The following UNC13B variants were observed in gnomAD, a reference collection of about 807,000 sequenced individuals.
The protein encoded by UNC13B is protein unc-13 homolog B.
A neutral mutation model predicts 211.0 loss-of-function variants in UNC13B; 144 were observed. The ratio of observed to expected loss-of-function variants is 0.68; its 90% confidence interval spans 0.60 to 0.78. UNC13B has a LOEUF of 0.78. UNC13B is among the 30% of genes least tolerant of loss of function. The probability of loss-of-function intolerance (pLI) is 0.00; values close to 1 mark genes in which losing one functional copy is unlikely to be tolerated. For synonymous variants in UNC13B, 709 were observed against 725.8 expected (o/e 0.98, Z 0.37); for missense variants, 1,777 against 2,002.0 (o/e 0.89, Z 2.14).
chr9:35,295,639 A>G lies in UNC13B; in HGVS notation c.527-57A>G, dbSNP rs566509078. On this transcript the variant is annotated intron_variant, in intron 7 of 39. Transcript: ENST00000635942. ...TTACTACTAAGTTAGAAGCAGAAAT[A>G]ATTCTGAAGAACTAAATAAAGCTGG... The G allele has an allele frequency of 1.2e-5, 19 of 1,535,924 alleles. No individual in the cohort carries two copies. In the African/African-American group the frequency reaches 2.6e-4, roughly 21 times the overall value.
At chr9:35,251,345 G>T (rs558623820) in intron 6 of UNC13B, among the ~76,000 whole-genome samples, 3 of 152,200 alleles carry the variant, frequency 2.0e-5, no homozygotes, top group South Asian at 2.1e-4. Flanking sequence ...CAGCACTCTG[G>T]GGGGGCCGAG....
rs149243741 is a variant in UNC13B, at chr9:35,319,717, C to T, written c.9414+5728C>T. ...ACTCTGTCACCCAGGCTGGAGTGCACGGGCATGATCACAGCTCACTGCAAC... is the reference window on the plus strand; with the variant it reads ...ACTCTGTCACCCAGGCTGGAGTGCATGGGCATGATCACAGCTCACTGCAAC... On this transcript the variant is annotated intron_variant, in intron 11 of 39. Transcript: ENST00000635942. Among the ~76,000 whole-genome samples, 302 of 151,860 alleles carry T rather than the reference C, an allele frequency of 2.0e-3. 1 individual carries two copies. Among genetic ancestry groups the T allele is most frequent in the African/African-American group, 5.5e-3 (228 of 41,408 alleles).
In UNC13B at chr9:35,386,184, C is replaced by T; in HGVS notation, c.10985C>T (p.Pro3662Leu). The T allele has an allele frequency of 6.2e-7, 1 of 1,614,174 alleles. No individual in the cohort carries two copies. The highest frequency in any genetic ancestry group is 1.1e-5 in the South Asian group (1 of 91,074). The part of the protein sequence containing the change: ...FRMKVQELQS[P>L]PRASQVVKDC... The stretch of plus-strand genomic sequence containing the variant: ...TGGCAGGTACAAGAACTGCAAAGCC[C>T]TCCAAGAGCCAGCCAGGTGGTAAAG... The change falls in exon 24 of 40, where the codon CCT (proline) becomes CTT (leucine). Residue 3662 changes from proline to leucine, a missense_variant. Pro to Leu is a moderately conservative substitution (Grantham distance 98). Transcript: ENST00000635942.
rs1394249070 is a variant in UNC13B at position 35,370,381 on chromosome 9, A to T, written c.9525A>T (p.Pro3175=). ...MPDLRRKKPL[P]LVSDLSLVQS... ...ATTTACGCAGAAAGAAGCCACTGCC[A>T]CTTGTCAGTGATCTGGTGAGTGAAG... Residue 3175 remains proline (P), a synonymous_variant, in exon 13 of 40, where the codon CCA becomes CCT. Coordinates refer to ENST00000635942, the MANE Select transcript of UNC13B (RefSeq NM_001371189.2). 19 of 1,613,804 alleles carry T rather than the reference A, an allele frequency of 1.2e-5. No individual in the cohort carries two copies. The highest frequency in any genetic ancestry group is 1.5e-5 in the Non-Finnish European group (18 of 1,179,998).
intron 11 of UNC13B, among the ~76,000 whole-genome samples, chr9:35,365,477 A>G (rs1833715036): frequency 6.6e-6 from 1 of 152,150 alleles, no homozygotes; most frequent in Non-Finnish European, 1.5e-5. Flanking sequence ...TTTCTGGCAA[A>G]TATCTCACTC....
intron 7 of UNC13B, among the ~76,000 whole-genome samples, chr9:35,295,320 C>T (rs1005025070): frequency 6.6e-6 from 1 of 152,148 alleles, no homozygotes; most frequent in South Asian, 2.1e-4. Flanking sequence ...AACCTCTGCT[C>T]CTTTCCCCTT....
At chr9:35,235,914 A>T (rs866003904) in intron 3 of UNC13B, among the ~76,000 whole-genome samples, 6 of 152,138 alleles carry the variant, frequency 3.9e-5, no homozygotes, top group Non-Finnish European at 7.3e-5. Context: ...GTGAAACTGC[A>T]TTAGTCTAAT....
chr9:35,367,949 A>C (rs1489845287), intron 12 of UNC13B, among the ~76,000 whole-genome samples: 2 of 152,158 alleles, frequency 1.3e-5, no homozygotes, highest in Admixed American at 1.3e-4. Context: ...TTCTGACATC[A>C]GAAGTCTCAG....
chr9:35,221,649 C>A (rs1195678803), intron 1 of UNC13B, among the ~76,000 whole-genome samples: 2 of 152,158 alleles, frequency 1.3e-5, no homozygotes, highest in Non-Finnish European at 2.9e-5. Flanking sequence ...ATAGCACATT[C>A]AAATCATAGC....
At chr9:35,286,175 C>T (rs140811265) in intron 7 of UNC13B, among the ~76,000 whole-genome samples, 359 of 151,286 alleles carry the variant, frequency 2.4e-3, no homozygotes, top group Non-Finnish European at 4.2e-3. Flanking sequence ...GATGGGCTTC[C>T]ACATAGGAAC....
Position 35,399,167 on chromosome 9 carries a change from C to T in UNC13B, c.12081C>T (p.Thr4027=). ...CTGTTGCCTGGACTTGCAGCCTCAC[C>T]CTCTTTGCCACTGTGTGTGAGAAGA... ...PLMDFLDGNL[T]LFATVCEKTV... Residue 4027 remains threonine, a synonymous_variant, in exon 34 of 40, where the codon ACC becomes ACT. Coordinates refer to ENST00000635942, the MANE Select transcript of UNC13B (RefSeq NM_001371189.2). The T allele has an allele frequency of 6.2e-7, 1 of 1,614,112 alleles. No individual in the cohort carries two copies. The highest frequency in any genetic ancestry group is 8.5e-7 in the Non-Finnish European group (1 of 1,180,020).
Position 35,310,620 on chromosome 9 carries a change from T to C in UNC13B, c.9162T>C (p.Asp3054=). The change falls in exon 10 of 40, where the codon GAT becomes GAC. Residue 3054 remains aspartate, a synonymous_variant. Transcript: ENST00000635942. ...ACAGCTCTCACAGCCTGTCCAGAGA[T>C]GGCCAAGCAGGTTTTGGAGAACAAG... ...SCHSSHSLSR[D]GQAGFGEQEK... 2 of 1,613,714 alleles carry C rather than the reference T, an allele frequency of 1.2e-6. No homozygotes were observed. The highest frequency in any genetic ancestry group is 1.1e-5 in the South Asian group (1 of 91,034).
intron 11 of UNC13B, among the ~76,000 whole-genome samples, chr9:35,357,624 A>G (rs1054335471): frequency 7.2e-6 from 1 of 138,568 alleles, no homozygotes; most frequent in Non-Finnish European, 1.5e-5. Flanking sequence ...CTGTTGGCTC[A>G]TGTCTGTAAT....
At chr9:35,319,621 A>G (rs1830639783) in intron 11 of UNC13B, among the ~76,000 whole-genome samples, 1 of 150,990 alleles carries the variant, frequency 6.6e-6, no homozygotes, top group Non-Finnish European at 1.5e-5. Flanking sequence ...ATTTATGAGT[A>G]CCCAATGTTT....
Position 35,306,134 on chromosome 9 carries a change from C to T in UNC13B, c.6730C>T (p.Gln2244Ter), listed in dbSNP as rs1417154683. 2.5e-6 allele frequency: 1 copy of T among 398,894 alleles called. No individual in the cohort carries two copies. Among genetic ancestry groups the T allele is most frequent in the Non-Finnish European group, 4.4e-6 (1 of 226,076 alleles). The allele number at this position is 398,894 out of a possible 1,614,324, so 24.7% of individuals were successfully genotyped here. ...TTCAACTGTTGTTCCAGTGACCTCC[C>T]AGCCCTGTAAGAAGACAAATGTTTT... is the stretch of plus-strand genomic sequence containing the variant. The part of the protein sequence containing the change: ...SISTVVPVTS[Q>*]PCKKTNVFVE... The change falls in exon 9 of 40, where the codon CAG becomes TAG. Residue 2244 changes from glutamine to a stop codon, truncating the protein, a stop_gained. Transcript: ENST00000635942. LOFTEE classifies it high-confidence loss of function.
At chr9:35,222,646 A>G (rs1436731996) in intron 1 of UNC13B, among the ~76,000 whole-genome samples, 2 of 152,214 alleles carry the variant, frequency 1.3e-5, no homozygotes, top group Non-Finnish European at 2.9e-5. Flanking sequence ...ACAATGTGTA[A>G]TGATCAACCC....
intron 1 of UNC13B, among the ~76,000 whole-genome samples, chr9:35,209,742 C>T (rs1477239412): frequency 6.6e-6 from 1 of 152,160 alleles, no homozygotes; most frequent in East Asian, 1.9e-4. Context: ...TTTTTCATTC[C>T]CTTTTCTACC....
At chr9:35,403,643 G>C in intron 39 of UNC13B, 44 bp downstream of exon 39, 1 of 1,077,300 alleles carries the variant, frequency 9.3e-7, no homozygotes, top group Non-Finnish European at 1.3e-6. Flanking sequence ...ATGGGGGTAA[G>C]ACTTGAGGGG....
intron 1 of UNC13B, among the ~76,000 whole-genome samples, chr9:35,183,828 T>C (rs1621699): frequency 3.9e-5 from 4 of 101,996 alleles, no homozygotes; most frequent in Non-Finnish European, 3.9e-5. Context: ...GCAGAGGCGC[T>C]CCTCGCCTCC....
Sources: allele counts gnomAD v4.1 joint callset (sites outside exome capture counted in the v4.1 genomes callset), GRCh38; gene constraint gnomAD v4.1.1; transcripts MANE v1.5; gene names NCBI Gene and HGNC (gene_info 2026-07-23, HGNC 2026-07-21).